ASTN2: variants seen among roughly 807,000 people sequenced by gnomAD.
ASTN2 encodes astrotactin-2.
ASTN2 carries 54 observed loss-of-function variants against 139.8 expected under a neutral mutation model. The observed-to-expected ratio is 0.39, with a 90% CI of 0.31 to 0.48. The LOEUF (loss-of-function observed/expected upper bound fraction) is 0.48. Among genes scored for constraint, ASTN2 ranks in the 20% least tolerant of loss-of-function variants. The pLI is 0.95. For synonymous variants in ASTN2, 756 were observed against 719.5 expected (o/e 1.05, Z -0.81); for missense variants, 1,565 against 1,725.1 (o/e 0.91, Z 1.64).
chr9:116,620,182 T>G (rs1856062831), intron 18 of ASTN2, 128 bp downstream of exon 18: 1 of 1,339,246 alleles, frequency 7.5e-7, no homozygotes, highest in South Asian at 1.4e-5. Context: ...AGGAGGTAGA[T>G]TCCAGGGTCT....
At chr9:116,623,179 G>GTGT (rs1351656703) in intron 17 of ASTN2, among the ~76,000 whole-genome samples, 1 of 80,588 alleles carries the variant, frequency 1.2e-5, no homozygotes, top group Non-Finnish European at 3.2e-5. Context: ...GTGTGTGTGT[G>GTGT]TGTGTGTGTG....
chr9:117,227,559 GCTC>G (rs1261120027), intron 2 of ASTN2, among the ~76,000 whole-genome samples: 2 of 152,122 alleles, frequency 1.3e-5, no homozygotes, highest in Non-Finnish European at 2.9e-5. Flanking sequence ...TGGTTTAGTA[GCTC>G]CTCAAGGACA....
At chr9:116,623,545 C>T (rs575161826) in intron 17 of ASTN2, among the ~76,000 whole-genome samples, 3 of 152,146 alleles carry the variant, frequency 2.0e-5, no homozygotes, top group South Asian at 2.1e-4. Context: ...AATTAGATCC[C>T]GGGGGAGGAA....
intron 5 of ASTN2, among the ~76,000 whole-genome samples, chr9:117,090,930 C>A (rs868788655): frequency 2.0e-4 from 30 of 152,252 alleles, no homozygotes; most frequent in Non-Finnish European, 2.9e-4. Flanking sequence ...GTAACCTTTT[C>A]TGCCATGCAG....
intron 10 of ASTN2, among the ~76,000 whole-genome samples, chr9:116,867,448 G>A (rs1833043278): frequency 1.3e-5 from 2 of 151,372 alleles, no homozygotes; most frequent in South Asian, 2.1e-4. Flanking sequence ...TACTTGGGAG[G>A]CTGAGGCAGG....
chr9:117,339,545 TA>T (rs1215664425), intron 1 of ASTN2, among the ~76,000 whole-genome samples: 7 of 152,128 alleles, frequency 4.6e-5, no homozygotes, highest in African/African-American at 1.7e-4. Flanking sequence ...TTACAAAGAA[TA>T]AAAAGAGAGA....
intron 3 of ASTN2, among the ~76,000 whole-genome samples, chr9:117,150,053 G>A (rs1325816683): frequency 6.6e-6 from 1 of 152,136 alleles, no homozygotes; most frequent in East Asian, 1.9e-4. Context: ...AGACTTGTAG[G>A]GTGGTCATGA....
intron 4 of ASTN2, among the ~76,000 whole-genome samples, chr9:117,124,653 C>G (rs73657659): frequency 0.011 from 1,743 of 152,158 alleles, 34 homozygotes; most frequent in Middle Eastern, 0.075. Flanking sequence ...TCCTTACATG[C>G]ATTTTAAACC....
chr9:116,634,386 C>A (rs1307206306), intron 17 of ASTN2, among the ~76,000 whole-genome samples: 1 of 151,304 alleles, frequency 6.6e-6, no homozygotes, highest in East Asian at 2.0e-4. Context: ...GTCAGGAGAT[C>A]GAGACCATCC....
intron 20 of ASTN2, among the ~76,000 whole-genome samples, chr9:116,452,036 A>C (rs1848192297): frequency 6.6e-6 from 1 of 152,120 alleles, no homozygotes. Flanking sequence ...AAATGATAAC[A>C]CATAATTGTA....
chr9:116,817,033 G>A (rs931734138), intron 12 of ASTN2, among the ~76,000 whole-genome samples: 44 of 152,018 alleles, frequency 2.9e-4, no homozygotes, highest in South Asian at 8.3e-4. Flanking sequence ...GGTAGCTCAC[G>A]CCTGTAATCC....
chr9:117,336,010 A>G (rs1042752799), intron 1 of ASTN2, among the ~76,000 whole-genome samples: 21 of 149,394 alleles, frequency 1.4e-4, no homozygotes, highest in African/African-American at 4.9e-4. Flanking sequence ...CGTTGAACAA[A>G]TTGGCAGTGA....
At chr9:116,464,194 AAT>A (rs1017331177) in intron 20 of ASTN2, among the ~76,000 whole-genome samples, 1 of 151,322 alleles carries the variant, frequency 6.6e-6, no homozygotes. Context: ...TATATAAACA[AAT>A]ATATATATAT....
chr9:116,894,592 C>A (rs1416134145), intron 10 of ASTN2, among the ~76,000 whole-genome samples: 2 of 152,114 alleles, frequency 1.3e-5, no homozygotes, highest in South Asian at 2.1e-4. Context: ...CAGGCTCAAG[C>A]GATCCTCCTG....
chr9:116,529,201 G>A (rs1851219656), intron 19 of ASTN2, among the ~76,000 whole-genome samples: 4 of 152,158 alleles, frequency 2.6e-5, no homozygotes, highest in Admixed American at 2.6e-4. Flanking sequence ...ACCCTGCAGA[G>A]CCACAGGGAT....
intron 2 of ASTN2, among the ~76,000 whole-genome samples, chr9:117,286,001 G>C (rs148267837): frequency 0.011 from 1,606 of 151,920 alleles, 25 homozygotes; most frequent in African/African-American, 0.037. Context: ...AAAACATATT[G>C]GTCTCAAACA....
At chr9:116,696,037 C>T (rs149419526) in intron 16 of ASTN2, among the ~76,000 whole-genome samples, 32 of 152,266 alleles carry the variant, frequency 2.1e-4, no homozygotes, top group South Asian at 8.3e-4. Context: ...CCACCACCTG[C>T]TCCCTAGTTC....
At chr9:117,300,556 G>A (rs1320014959) in intron 1 of ASTN2, among the ~76,000 whole-genome samples, 1 of 152,180 alleles carries the variant, frequency 6.6e-6, no homozygotes, top group Non-Finnish European at 1.5e-5. Context: ...CTTGTTACAG[G>A]AACACACGTG....
chr9:117,389,620 G>A (rs187937407), intron 1 of ASTN2, among the ~76,000 whole-genome samples: 1 of 152,124 alleles, frequency 6.6e-6, no homozygotes, highest in Admixed American at 6.6e-5. Context: ...TATGGAGGCA[G>A]GAAGAAGGAC....
Sources: allele counts gnomAD v4.1 joint callset (sites outside exome capture counted in the v4.1 genomes callset), GRCh38; gene constraint gnomAD v4.1.1; transcripts MANE v1.5; gene names NCBI Gene and HGNC (gene_info 2026-07-23, HGNC 2026-07-21).